CLNK: variants seen among roughly 807,000 people sequenced by gnomAD.
The protein encoded by CLNK is cytokine-dependent hematopoietic cell linker.
In CLNK, 74 loss-of-function variants were observed where a neutral mutation model predicts 68.6. The ratio of observed to expected loss-of-function variants is 1.08; its 90% CI spans 0.89 to 1.31. The LOEUF (loss-of-function observed/expected upper bound fraction) is 1.31, where lower values mean the gene tolerates loss of function less well. Among genes scored for constraint, CLNK ranks in the 50% most tolerant of loss-of-function variants. CLNK has a pLI of 0.00. For synonymous variants in CLNK, 198 were observed against 172.2 expected, an observed-to-expected ratio of 1.15 and a Z score of -1.17; for missense variants, 553 against 515.3, an observed-to-expected ratio of 1.07 and a Z score of -0.71.
intron 2 of CLNK, among the ~76,000 whole-genome samples, chr4:10,624,555 G>A (rs1293006922): frequency 6.8e-6 from 1 of 148,068 alleles, no homozygotes; most frequent in Non-Finnish European, 1.5e-5. Context: ...GCCTCCCAAC[G>A]TGCTGGGATT....
At chr4:10,512,016 G>A (rs555689080) in intron 16 of CLNK, among the ~76,000 whole-genome samples, 7 of 152,138 alleles carry the variant, frequency 4.6e-5, no homozygotes, top group African/African-American at 1.4e-4. Context: ...ACATAGATAT[G>A]CCACAAATCA....
At chr4:10,621,165 T>C (rs879798777) in intron 2 of CLNK, among the ~76,000 whole-genome samples, 6 of 152,136 alleles carry the variant, frequency 3.9e-5, no homozygotes, top group African/African-American at 1.2e-4. Flanking sequence ...AAGTGGCCGC[T>C]GCAGGCCAGA....
At chr4:10,541,953 C>T in intron 10 of CLNK, 69 bp downstream of exon 10, 5 of 1,183,698 alleles carry the variant, frequency 4.2e-6, no homozygotes, top group Admixed American at 2.3e-5. Context: ...TTGTGTTTCT[C>T]TTTTTCAGAT....
chr4:10,499,443 C>A (rs914015967), intron 18 of CLNK, among the ~76,000 whole-genome samples: 2 of 152,196 alleles, frequency 1.3e-5, no homozygotes, highest in Non-Finnish European at 2.9e-5. Context: ...GGTCGCCTCA[C>A]AGGTGCTGAC....
chr4:10,687,750 A>G (rs1725319250), upstream of CLNK, among the ~76,000 whole-genome samples: 1 of 152,158 alleles, frequency 6.6e-6, no homozygotes, highest in Admixed American at 6.5e-5. Context: ...TCCAACCTGC[A>G]TGTTCTTGCT....
intron 14 of CLNK, 130 bp from the exon 15 acceptor site, chr4:10,520,961 A>G: frequency 7.4e-6 from 5 of 676,666 alleles, no homozygotes; most frequent in Non-Finnish European, 1.3e-5. Flanking sequence ...TTTACTGGAT[A>G]TGCTAGAAGA....
intron 4 of CLNK, among the ~76,000 whole-genome samples, chr4:10,582,476 G>A (rs747077391): frequency 1.3e-5 from 2 of 151,888 alleles, no homozygotes; most frequent in African/African-American, 2.4e-5. Context: ...TTTATTATAC[G>A]TGGAGGCTTA....
chr4:10,624,256 A>ATTT (rs1358783202), intron 2 of CLNK, among the ~76,000 whole-genome samples: 1 of 152,082 alleles, frequency 6.6e-6, no homozygotes, highest in African/African-American at 2.4e-5. Flanking sequence ...AAGCAAGATA[A>ATTT]CCTCCAGCCA....
chr4:10,671,986 G>A (rs574070013), intron 1 of CLNK, among the ~76,000 whole-genome samples: 27 of 152,166 alleles, frequency 1.8e-4, no homozygotes, highest in African/African-American at 5.5e-4. Context: ...ATCAGCCTAC[G>A]CAGCTACTTA....
chr4:10,603,555 G>T (rs373263726), intron 2 of CLNK, among the ~76,000 whole-genome samples: 1 of 152,206 alleles, frequency 6.6e-6, no homozygotes, highest in Non-Finnish European at 1.5e-5. Flanking sequence ...AGATGACCAC[G>T]TAGAAAGTGT....
At chr4:10,722,674 TG>T in the CLNK span, among the ~76,000 whole-genome samples, 1 of 152,344 alleles carries the variant, frequency 6.6e-6, no homozygotes, top group Admixed American at 6.5e-5. Context: ...TATTGAGATC[TG>T]CTATTGTACA....
chr4:10,668,741 G>A (rs962800486), intron 1 of CLNK, among the ~76,000 whole-genome samples: 1 of 152,280 alleles, frequency 6.6e-6, no homozygotes, highest in Non-Finnish European at 1.5e-5. Context: ...TCTGGGTTGC[G>A]GGTAGAGGAG....
intron 3 of CLNK, among the ~76,000 whole-genome samples, chr4:10,591,260 A>G (rs530495316): frequency 2.2e-4 from 34 of 152,304 alleles, no homozygotes; most frequent in Non-Finnish European, 4.0e-4. Context: ...GTAATATTCT[A>G]GGGAATAGGT....
At chr4:10,690,052 C>T in the CLNK span, among the ~76,000 whole-genome samples, 17 of 152,068 alleles carry the variant, frequency 1.1e-4, no homozygotes, top group South Asian at 6.2e-4. Context: ...ATTTCAGACG[C>T]GCTGAATTTA....
chr4:10,718,460 A>G, the CLNK span, among the ~76,000 whole-genome samples: 1 of 150,794 alleles, frequency 6.6e-6, no homozygotes, highest in Non-Finnish European at 1.5e-5. Context: ...ATCGGAAACC[A>G]TAGAGACCAG....
At chr4:10,541,282 T>G (rs1313701391) in intron 10 of CLNK, among the ~76,000 whole-genome samples, 2 of 150,862 alleles carry the variant, frequency 1.3e-5, no homozygotes, top group Non-Finnish European at 3.0e-5. Context: ...AATGTCTCAC[T>G]CACTCATATG....
Position 10,490,303 on chromosome 4 carries a change from C to T in CLNK, c.*164G>A. 1.8e-6 allele frequency: 1 copy of T among 561,226 alleles called. No individual in the cohort carries two copies. The allele number at this position is 561,226 out of a possible 1,614,324, so 34.8% of individuals were successfully genotyped here. On this transcript the variant is annotated 3_prime_UTR_variant, in exon 19 of 19. Transcript: ENST00000226951. ...ATAAATATTTTCTCTGTGGTTTGAA[C>T]TTTCAAAACCGTGAGTGATTTTCCA...
At chr4:10,637,844 C>T (rs1723156362) in intron 2 of CLNK, among the ~76,000 whole-genome samples, 1 of 151,064 alleles carries the variant, frequency 6.6e-6, no homozygotes, top group Non-Finnish European at 1.5e-5. Context: ...ATTTGTGATT[C>T]ACCCGCCTCA....
chr4:10,719,062 C>T, the CLNK span, among the ~76,000 whole-genome samples: 1 of 151,918 alleles, frequency 6.6e-6, no homozygotes, highest in African/African-American at 2.4e-5. Context: ...TCAAAAACTC[C>T]ATAGATAAAT....
Sources: allele counts gnomAD v4.1 joint callset (sites outside exome capture counted in the v4.1 genomes callset), GRCh38; gene constraint gnomAD v4.1.1; transcripts MANE v1.5; gene names NCBI Gene and HGNC (gene_info 2026-07-23, HGNC 2026-07-21).